Variants in SPAM1 observed in about 807,000 individuals in gnomAD.
SPAM1 encodes hyaluronidase PH-20.
A neutral mutation model predicts 29.6 loss-of-function variants in SPAM1; 22 were observed. The observed-to-expected ratio is 0.74, with a 90% CI of 0.53 to 1.06. SPAM1 has a LOEUF of 1.06. Ranked by LOEUF, SPAM1 falls within the 50% of genes least tolerant of loss-of-function variation. The pLI, the probability that SPAM1 is intolerant of heterozygous loss-of-function variation, is 0.00. For synonymous variants in SPAM1, 194 were observed against 204.6 expected, an observed-to-expected ratio of 0.95 and a Z score of 0.44; for missense variants, 534 against 604.0, an observed-to-expected ratio of 0.88 and a Z score of 1.21.
At chr7:123,929,511 A>C (rs922232962) in intron 1 of SPAM1, among the ~76,000 whole-genome samples, 1 of 152,064 alleles carries the variant, frequency 6.6e-6, no homozygotes, top group African/African-American at 2.4e-5. Flanking sequence ...ACTTCTCTCT[A>C]AGTTTAATAG....
intron 4 of SPAM1, among the ~76,000 whole-genome samples, chr7:123,958,585 TGGAA>T (rs967326216): frequency 7.2e-5 from 11 of 151,970 alleles, no homozygotes; most frequent in Non-Finnish European, 1.0e-4. Flanking sequence ...CCCAACACTG[TGGAA>T]GGATGGGGTG....
At chr7:123,963,579 G>A (rs529527048), downstream of SPAM1, among the ~76,000 whole-genome samples, 4 of 151,730 alleles carry the variant, frequency 2.6e-5, no homozygotes, top group Admixed American at 2.6e-4. Flanking sequence ...TCAGTTACAA[G>A]GAATTACAAA....
downstream of SPAM1, among the ~76,000 whole-genome samples, chr7:123,964,860 G>C (rs191423255): frequency 6.6e-6 from 1 of 152,056 alleles, no homozygotes; most frequent in East Asian, 1.9e-4. Flanking sequence ...TATAATTTTT[G>C]TATCCTGTAG....
At chr7:123,951,046 T>C (rs1808746510) in intron 2 of SPAM1, among the ~76,000 whole-genome samples, 1 of 152,146 alleles carries the variant, frequency 6.6e-6, no homozygotes, top group South Asian at 2.1e-4. Context: ...TATTGGCCTC[T>C]TGTATGTCTT....
intron 1 of SPAM1, among the ~76,000 whole-genome samples, chr7:123,943,942 C>A (rs996614298): frequency 6.6e-6 from 1 of 152,048 alleles, no homozygotes; most frequent in African/African-American, 2.4e-5. Context: ...TTATCTTGAC[C>A]ATAAGATATA....
intron 1 of SPAM1, among the ~76,000 whole-genome samples, chr7:123,947,420 T>C (rs1808612347): frequency 2.0e-5 from 3 of 152,052 alleles, no homozygotes; most frequent in Admixed American, 2.0e-4. Flanking sequence ...TTTGGTGGTG[T>C]GCGCCTGTAG....
chr7:123,954,555 A>G (rs1792204598), intron 3 of SPAM1, 31 bp downstream of exon 3: 12 of 1,381,396 alleles, frequency 8.7e-6, no homozygotes, highest in Non-Finnish European at 1.2e-5. Flanking sequence ...GGGCTAGGAA[A>G]TGAAATTCAC....
At chr7:123,950,631 T>A (rs967563883) in intron 2 of SPAM1, among the ~76,000 whole-genome samples, 3 of 152,142 alleles carry the variant, frequency 2.0e-5, no homozygotes, top group African/African-American at 2.4e-5. Context: ...CCATAGTGTA[T>A]ATATACCAAA....
At position 123,936,390 on chromosome 7, in the gene SPAM1, C is replaced by T. The variant is rs138841275; in HGVS notation, c.-319+11038C>T. On this transcript the variant is annotated intron_variant, in intron 1 of 4. Transcript: ENST00000682466. ...AATTTTATTCTTTGGTAAAAGGAGA[C>T]GAGTTAGCTCCTCATGGGGTCCCTC... Among the ~76,000 whole-genome samples, 45 of 152,242 alleles carry T rather than the reference C, an allele frequency of 3.0e-4. No homozygotes were observed. In the East Asian group the frequency reaches 5.6e-3, roughly 19 times the overall value.
chr7:123,937,442 A>G (rs1200312669), intron 1 of SPAM1, among the ~76,000 whole-genome samples: 1 of 152,048 alleles, frequency 6.6e-6, no homozygotes, highest in Admixed American at 6.5e-5. Flanking sequence ...TCTACTAAAA[A>G]TACAAAAAAT....
chr7:123,952,301 A>T (rs1294266105), intron 2 of SPAM1, among the ~76,000 whole-genome samples: 1 of 152,028 alleles, frequency 6.6e-6, no homozygotes, highest in Admixed American at 6.6e-5. Context: ...AGAGTCATTT[A>T]TTTTTCAGCA....
chr7:123,959,480 A>G lies in SPAM1; in HGVS notation c.1045-4A>G. ...ATTCTGACTGTCTTATAATAATTTT[A>G]CAGAAATCTTGCTTGCTCCTAGACA... On this transcript the variant is annotated splice_polypyrimidine_tract_variant and splice_region_variant and intron_variant, in intron 4 of 4. Coordinates refer to ENST00000682466, the MANE Select transcript of SPAM1 (RefSeq NM_153189.3). 4 of 1,566,740 alleles carry G rather than the reference A, an allele frequency of 2.6e-6. No homozygotes were observed. The highest frequency in any genetic ancestry group is 3.5e-6 in the Non-Finnish European group (4 of 1,153,758).
intron 1 of SPAM1, among the ~76,000 whole-genome samples, chr7:123,926,498 TAA>T (rs1807888991): frequency 6.6e-6 from 1 of 152,210 alleles, no homozygotes; most frequent in Admixed American, 6.5e-5. Flanking sequence ...TCAAACTCTG[TAA>T]AATATTTGAA....
chr7:123,949,212 G>A (rs996164057), intron 1 of SPAM1, among the ~76,000 whole-genome samples: 1 of 152,052 alleles, frequency 6.6e-6, no homozygotes, highest in African/African-American at 2.4e-5. Context: ...GGGAAGCTGA[G>A]ATTCAAGTTT....
chr7:123,946,949 G>C (rs532502625), intron 1 of SPAM1, among the ~76,000 whole-genome samples: 1 of 152,046 alleles, frequency 6.6e-6, no homozygotes, highest in African/African-American at 2.4e-5. Flanking sequence ...AGCTTATTTA[G>C]GAATAAAATG....
chr7:123,955,122 T>C (rs1168353448), intron 4 of SPAM1, 36 bp downstream of exon 4: 1 of 1,374,114 alleles, frequency 7.3e-7, no homozygotes, highest in Non-Finnish European at 1.0e-6. Context: ...TGAAAATATT[T>C]CTATGTTTAA....
intron 1 of SPAM1, among the ~76,000 whole-genome samples, chr7:123,944,972 T>C (rs1808530854): frequency 6.6e-6 from 1 of 152,072 alleles, no homozygotes; most frequent in Admixed American, 6.6e-5. Flanking sequence ...ATATTAAATA[T>C]AGACAACTTG....
chr7:123,955,221 GAATC>G, intron 4 of SPAM1, 135 bp downstream of exon 4: 1 of 581,218 alleles, frequency 1.7e-6, no homozygotes, highest in South Asian at 2.1e-5. Context: ...AATACTGGCT[GAATC>G]AAAATACATT....
intron 1 of SPAM1, among the ~76,000 whole-genome samples, chr7:123,926,852 A>G (rs1275284422): frequency 6.6e-6 from 1 of 152,176 alleles, no homozygotes; most frequent in Admixed American, 6.6e-5. Context: ...AAGCTCTTAG[A>G]TAGGAGATTT....
Sources: allele counts gnomAD v4.1 joint callset (sites outside exome capture counted in the v4.1 genomes callset), GRCh38; gene constraint gnomAD v4.1.1; transcripts MANE v1.5; gene names NCBI Gene and HGNC (gene_info 2026-07-23, HGNC 2026-07-21).